The following RAPGEF5 variants were observed in gnomAD, a reference collection of about 807,000 sequenced individuals.
RAPGEF5 encodes the protein M-Ras-regulated GEF.
RAPGEF5 carries 65 observed loss-of-function variants against 125.2 expected under a neutral mutation model. The observed-to-expected ratio is 0.52, with a 90% confidence interval of 0.43 to 0.64. RAPGEF5 has a LOEUF of 0.64. Ranked by LOEUF, RAPGEF5 falls within the 30% of genes least tolerant of loss-of-function variation. The pLI, the probability that RAPGEF5 is intolerant of heterozygous loss-of-function variation, is 0.00. For missense variants in RAPGEF5, 958 were observed against 1,048.1 expected (o/e 0.91, Z 1.19); for synonymous variants, 391 against 385.9 (o/e 1.01, Z -0.16).
At chr7:22,284,174 AT>A (rs1782743937) in intron 6 of RAPGEF5, among the ~76,000 whole-genome samples, 1 of 152,054 alleles carries the variant, frequency 6.6e-6, no homozygotes, top group Non-Finnish European at 1.5e-5. Flanking sequence ...ACATATAAGA[AT>A]TTTTTATTGA....
At chr7:22,215,478 G>C (rs984549743) in intron 9 of RAPGEF5, among the ~76,000 whole-genome samples, 8 of 152,134 alleles carry the variant, frequency 5.3e-5, no homozygotes, top group African/African-American at 1.7e-4. Flanking sequence ...TTGTATCTCA[G>C]TTAGTTGTGT....
intron 1 of RAPGEF5, among the ~76,000 whole-genome samples, chr7:22,341,153 T>C (rs1248165803): frequency 6.6e-6 from 1 of 152,230 alleles, no homozygotes; most frequent in Non-Finnish European, 1.5e-5. Context: ...ACTTGTTCCA[T>C]GTGGCTGGGG....
At chr7:22,188,000 T>G (rs1395670743) in intron 11 of RAPGEF5, among the ~76,000 whole-genome samples, 2 of 152,256 alleles carry the variant, frequency 1.3e-5, no homozygotes, top group Non-Finnish European at 2.9e-5. Context: ...GTGCTGCTAA[T>G]GTGCAGCTAC....
At chr7:22,209,701 A>G (rs1161507322) in intron 9 of RAPGEF5, among the ~76,000 whole-genome samples, 1 of 152,180 alleles carries the variant, frequency 6.6e-6, no homozygotes, top group Non-Finnish European at 1.5e-5. Context: ...GCTAATAGGT[A>G]GGGGAGGAGT....
intron 6 of RAPGEF5, among the ~76,000 whole-genome samples, chr7:22,268,722 C>T (rs1435588363): frequency 6.6e-6 from 1 of 152,224 alleles, no homozygotes; most frequent in Non-Finnish European, 1.5e-5. Flanking sequence ...AATTTGCTCA[C>T]AACGGATCGA....
intron 25 of RAPGEF5, chr7:22,125,343 T>A: frequency 2.7e-6 from 1 of 368,370 alleles, no homozygotes; most frequent in Non-Finnish European, 5.1e-6. Context: ...GGAGGAGGTT[T>A]CTGAGTGTGT....
intron 5 of RAPGEF5, among the ~76,000 whole-genome samples, chr7:22,295,182 T>C (rs1030530896): frequency 1.3e-5 from 2 of 152,216 alleles, no homozygotes; most frequent in Admixed American, 6.5e-5. Flanking sequence ...AGAATGAGAA[T>C]TAGATTTTTC....
chr7:22,213,563 A>G (rs1785559163), intron 9 of RAPGEF5, among the ~76,000 whole-genome samples: 1 of 152,200 alleles, frequency 6.6e-6, no homozygotes, highest in South Asian at 2.1e-4. Flanking sequence ...ATTATTCCCT[A>G]TTAAAAATGG....
At chr7:22,258,754 G>C (rs955794416) in intron 7 of RAPGEF5, among the ~76,000 whole-genome samples, 1 of 151,258 alleles carries the variant, frequency 6.6e-6, no homozygotes, top group Non-Finnish European at 1.5e-5. Context: ...ATAGGGAAAA[G>C]ACTGTCTTTT....
At chr7:22,282,219 C>T (rs1782689396) in intron 6 of RAPGEF5, among the ~76,000 whole-genome samples, 1 of 152,152 alleles carries the variant, frequency 6.6e-6, no homozygotes, top group Admixed American at 6.5e-5. Flanking sequence ...AGCTATTCAC[C>T]TCTACATGGT....
At position 22,122,274 on chromosome 7, in the gene RAPGEF5, T is replaced by C. The variant is rs1017240400; in HGVS notation, c.*132A>G. The stretch of plus-strand genomic sequence containing the variant: ...ACTTCCTGAACACGCTTTGGCTGGC[T>C]TTCCTGTGAATGTCTTGGGTTATAC... On this transcript the variant is annotated 3_prime_UTR_variant, in exon 26 of 26. Transcript: ENST00000665637. The C allele has an allele frequency of 4.3e-6, 3 of 704,132 alleles. No homozygotes were observed. Among genetic ancestry groups the C allele is most frequent in the Non-Finnish European group, 7.0e-6 (3 of 427,608 alleles). 43.6% of individuals were successfully genotyped at this position (704,132 alleles called of 1,614,324 possible). A position where few individuals can be genotyped will look rare whatever the true frequency, so the allele number is the denominator to read the frequency against.
At chr7:22,251,774 A>AC (rs1786627145) in intron 7 of RAPGEF5, among the ~76,000 whole-genome samples, 1 of 119,150 alleles carries the variant, frequency 8.4e-6, no homozygotes, top group Non-Finnish European at 1.7e-5. Flanking sequence ...AGTTTCATTG[A>AC]CAAAAAAAAA....
At chr7:22,339,832 C>T (rs1027854038) in intron 1 of RAPGEF5, among the ~76,000 whole-genome samples, 1 of 152,162 alleles carries the variant, frequency 6.6e-6, no homozygotes, top group African/African-American at 2.4e-5. Flanking sequence ...TATCCTTTGA[C>T]CAAGGCAGAG....
Position 22,357,068 on chromosome 7 carries a change from CG to C in RAPGEF5, c.-9del. ...GCCCACGGCCATCCTCATGCCCTGA[CG>C]GCGCTGCGGCGCCGGGGGCTCCTCT... On this transcript the variant is annotated 5_prime_UTR_variant, in exon 1 of 26. Transcript: ENST00000665637. 9.7e-7 allele frequency: 1 copy of C among 1,034,430 alleles called. No individual in the cohort carries two copies. Among genetic ancestry groups the C allele is most frequent in the Non-Finnish European group, 1.2e-6 (1 of 862,742 alleles). The allele number at this position is 1,034,430 out of a possible 1,614,324, so 64.1% of individuals were successfully genotyped here. A position where few individuals can be genotyped will look rare whatever the true frequency, so the allele number is the denominator to read the frequency against.
At chr7:22,265,930 T>TTGC in intron 7 of RAPGEF5, among the ~76,000 whole-genome samples, 1 of 152,146 alleles carries the variant, frequency 6.6e-6, no homozygotes, top group East Asian at 1.9e-4. Context: ...ATACCCAAGA[T>TTGC]TGCTATTCCT....
chr7:22,161,988 ATT>A (rs1308854174), intron 13 of RAPGEF5, among the ~76,000 whole-genome samples: 1 of 152,238 alleles, frequency 6.6e-6, no homozygotes, highest in African/African-American at 2.4e-5. Flanking sequence ...TATTTTACAA[ATT>A]ATTGCTTAAA....
At chr7:22,343,710 T>C (rs1463060844) in intron 1 of RAPGEF5, among the ~76,000 whole-genome samples, 5 of 152,160 alleles carry the variant, frequency 3.3e-5, no homozygotes, top group Non-Finnish European at 5.9e-5. Context: ...AACACGCCCA[T>C]TGCTGGAACC....
chr7:22,324,767 C>A (rs2528647), intron 1 of RAPGEF5, among the ~76,000 whole-genome samples: 83 of 152,284 alleles, frequency 5.5e-4, no homozygotes, highest in African/African-American at 1.9e-3. Flanking sequence ...GGCTGCCCTG[C>A]CCACTCAGGT....
intron 6 of RAPGEF5, among the ~76,000 whole-genome samples, chr7:22,281,189 T>C (rs1782665630): frequency 6.6e-6 from 1 of 152,200 alleles, no homozygotes; most frequent in South Asian, 2.1e-4. Flanking sequence ...TTATCCGTAA[T>C]ACAAGGGAAT....
Sources: gnomAD v4.1 joint callset for allele counts (sites outside exome capture counted in the v4.1 genomes callset) on GRCh38, gnomAD v4.1.1 for gene constraint, MANE v1.5 for transcripts, NCBI Gene and HGNC (gene_info 2026-07-23, HGNC 2026-07-21) for gene names.